The following ARMC9 variants were observed in gnomAD, a reference collection of about 807,000 sequenced individuals.
ARMC9 encodes the protein armadillo repeat containing 9.
Under a neutral mutation model 107.0 loss-of-function variants are expected in ARMC9, and 94 were observed. That is an observed-to-expected ratio of 0.88 (90% CI 0.74 to 1.04). The LOEUF is 1.04. ARMC9 is among the 50% of genes least tolerant of loss of function. ARMC9 has a pLI of 0.00. For missense variants in ARMC9, 942 were observed against 1,030.1 expected (o/e 0.91, Z 1.17); for synonymous variants, 380 against 396.9 (o/e 0.96, Z 0.51).
At chr2:231,276,188 T>C (rs1468953855) in intron 14 of ARMC9, among the ~76,000 whole-genome samples, 4 of 152,200 alleles carry the variant, frequency 2.6e-5, no homozygotes, top group Admixed American at 1.3e-4. Flanking sequence ...TTATTTCAAT[T>C]GTATGGGTTT....
chr2:231,353,708 A>C (rs1019150767), intron 21 of ARMC9, among the ~76,000 whole-genome samples: 1 of 151,606 alleles, frequency 6.6e-6, no homozygotes, highest in Non-Finnish European at 1.5e-5. Context: ...GTTCCCTGCC[A>C]CCGGCCACCT....
chr2:231,333,697 G>A (rs1361718217), intron 20 of ARMC9, among the ~76,000 whole-genome samples: 3 of 152,188 alleles, frequency 2.0e-5, no homozygotes, highest in African/African-American at 7.2e-5. Context: ...CAAATTGGTG[G>A]GGCTTCCTCA....
chr2:231,277,656 G>A lies in ARMC9; in HGVS notation c.1475-726G>A, dbSNP rs534463351. ...CTCAGTGGTGCAACCTCTGCCTCCC[G>A]GGTTCAAGCGATTCTCCTGCCTCAG... On this transcript the variant is annotated intron_variant, in intron 15 of 24. Coordinates refer to ENST00000611582, the MANE Select transcript of ARMC9 (RefSeq NM_001352754.2). Among the ~76,000 whole-genome samples, 11 of 150,638 alleles carry A rather than the reference G, an allele frequency of 7.3e-5. No individual in the cohort carries two copies. In the East Asian group the frequency reaches 1.6e-3, roughly 21 times the overall value.
At chr2:231,305,925 C>G (rs975897376) in intron 19 of ARMC9, among the ~76,000 whole-genome samples, 3 of 152,202 alleles carry the variant, frequency 2.0e-5, no homozygotes, top group Non-Finnish European at 4.4e-5. Context: ...ACAAACTCAT[C>G]TTGTTTAAAT....
chr2:231,291,366 T>G lies in ARMC9; in HGVS notation c.1640T>G (p.Ile547Ser), dbSNP rs1406382195. The G allele has an allele frequency of 1.9e-6, 3 of 1,613,424 alleles. No homozygotes were observed. In the African/African-American group the frequency reaches 4.0e-5, roughly 22 times the overall value. The part of the protein sequence containing the change: ...EEARAMGMED[I>S]LRCFIKEGNA... Reference sequence around the variant, plus strand: ...CAATACTTCTAGGGAATGGAAGACATCCTACGCTGCTTCATCAAAGAAGGC... The same window carrying G: ...CAATACTTCTAGGGAATGGAAGACAGCCTACGCTGCTTCATCAAAGAAGGC... Residue 547 changes from isoleucine (I) to serine (S), a missense_variant, in exon 18 of 25, where the codon ATC becomes AGC. Ile to Ser is a moderately radical substitution (Grantham distance 142, BLOSUM62 -2). Coordinates refer to ENST00000611582, the MANE Select transcript of ARMC9 (RefSeq NM_001352754.2).
Position 231,273,051 on chromosome 2 carries a change from T to C in ARMC9, c.1307T>C (p.Leu436Pro), listed in dbSNP as rs925676705. The C allele has an allele frequency of 2.5e-6, 4 of 1,613,738 alleles. No individual in the cohort carries two copies. Among genetic ancestry groups the C allele is most frequent in the African/African-American group, 2.7e-5 (2 of 74,900 alleles). ...DKDIITRENVLGALQKFSLRR... is the reference protein window; with the variant it reads ...DKDIITRENVPGALQKFSLRR... ...GATATCATCACCAGGGAGAATGTTC[T>C]TGGGGCCCTGCAGAAGTTCAGTCTC... The change falls in exon 14 of 25, where the codon CTT (leucine) becomes CCT (proline). Residue 436 changes from leucine (L) to proline (P), a missense_variant. By Grantham distance (98) the Leu-to-Pro change is moderately conservative (BLOSUM62 -3). Transcript: ENST00000611582.
At chr2:231,335,018 A>T (rs149862924) in intron 20 of ARMC9, among the ~76,000 whole-genome samples, 206 of 152,256 alleles carry the variant, frequency 1.4e-3, no homozygotes, top group Middle Eastern at 3.4e-3. Context: ...GACTCTAAAG[A>T]TGTTGGCGTT....
chr2:231,368,973 T>G (rs2045915882), intron 23 of ARMC9, among the ~76,000 whole-genome samples: 1 of 152,216 alleles, frequency 6.6e-6, no homozygotes, highest in Non-Finnish European at 1.5e-5. Flanking sequence ...AAAAGGCATA[T>G]AGAAACAAAT....
chr2:231,246,987 C>T (rs2036830369), intron 9 of ARMC9, among the ~76,000 whole-genome samples: 1 of 150,800 alleles, frequency 6.6e-6, no homozygotes, highest in Non-Finnish European at 1.5e-5. Context: ...GACCGAGTCT[C>T]GCTCCATCAC....
intron 12 of ARMC9, among the ~76,000 whole-genome samples, chr2:231,262,999 TA>T (rs36036355): frequency 0.43 from 64,745 of 151,848 alleles, 16,834 homozygotes; most frequent in African/African-American, 0.74. Context: ...GGGAAGTCCT[TA>T]AGCCCCAGGC....
Position 231,372,699 on chromosome 2 carries a change from G to GGTGTGTGTGTGTGTGTGTGTGT in ARMC9, c.*1199_*1220dup, listed in dbSNP as rs61556705. The GGTGTGTGTGTGTGTGTGTGTGT allele has an allele frequency of 7.8e-6, 1 of 127,676 alleles. No individual in the cohort carries two copies. Among genetic ancestry groups the GGTGTGTGTGTGTGTGTGTGTGT allele is most frequent in the East Asian group, 2.6e-4 (1 of 3,878 alleles). 7.9% of individuals were successfully genotyped at this position (127,676 alleles called of 1,614,324 possible). On this transcript the variant is annotated 3_prime_UTR_variant, in exon 25 of 25. Coordinates refer to ENST00000611582, the MANE Select transcript of ARMC9 (RefSeq NM_001352754.2). Reference sequence around the variant, plus strand: ...CAAATAAAACCCATCAGTATTTAGTGGTGTGTGTGTGTGTGTGTGTGTGTG... The same window carrying GGTGTGTGTGTGTGTGTGTGTGT: ...CAAATAAAACCCATCAGTATTTAGTGGTGTGTGTGTGTGTGTGTGTGTGTGTGTGTGTGTGTGTGTGTGTGTG...
At position 231,358,351 on chromosome 2, in the gene ARMC9, A is replaced by G. The variant is rs575868209; in HGVS notation, c.2132-2403A>G. 6.1e-5 allele frequency among the ~76,000 whole-genome samples: 7 copies of G among 114,302 alleles called. No homozygotes were observed. Among genetic ancestry groups the G allele is most frequent in the Middle Eastern group, 3.8e-3 (1 of 266 alleles). The allele number at this position is 114,302 out of a possible 152,430, so 75.0% of individuals were successfully genotyped here. On this transcript the variant is annotated intron_variant, in intron 22 of 24. Coordinates refer to ENST00000611582, the MANE Select transcript of ARMC9 (RefSeq NM_001352754.2). The surrounding 1 kb of genome is among the most constrained non-coding windows in gnomAD (Gnocchi z 4.5). Reference sequence around the variant, plus strand: ...TTCTCCATCCCTCCCCTCCACTTCAATTGATTGATTGATTGATTGATTGAT... The same window carrying G: ...TTCTCCATCCCTCCCCTCCACTTCAGTTGATTGATTGATTGATTGATTGAT...
At chr2:231,264,756 C>T (rs1206781792) in intron 12 of ARMC9, among the ~76,000 whole-genome samples, 2 of 152,194 alleles carry the variant, frequency 1.3e-5, no homozygotes, top group African/African-American at 2.4e-5. Flanking sequence ...CTCAGCCTCC[C>T]GAAGTGCTGG....
At chr2:231,330,285 T>C (rs58563755) in intron 19 of ARMC9, among the ~76,000 whole-genome samples, 4 of 147,914 alleles carry the variant, frequency 2.7e-5, no homozygotes, top group Non-Finnish European at 4.4e-5. Context: ...TGAAGTACGA[T>C]GGCGCAATTT....
chr2:231,351,389 G>C (rs2045073406), intron 21 of ARMC9, among the ~76,000 whole-genome samples: 1 of 152,056 alleles, frequency 6.6e-6, no homozygotes, highest in South Asian at 2.1e-4. Flanking sequence ...CTGGAATTCT[G>C]TTTATGTTGA....
At chr2:231,253,106 T>TTTTTTGTTTTTG (rs79818055) in intron 9 of ARMC9, among the ~76,000 whole-genome samples, 58 of 149,046 alleles carry the variant, frequency 3.9e-4, no homozygotes, top group East Asian at 2.2e-3. Flanking sequence ...ATTTTCATTG[T>TTTTTTGTTTTTG]TTTTTGTTTT....
At chr2:231,203,978 A>C (rs149718143) in intron 1 of ARMC9, among the ~76,000 whole-genome samples, 74 of 151,968 alleles carry the variant, frequency 4.9e-4, no homozygotes, top group Middle Eastern at 3.4e-3. Context: ...AACAAACAAA[A>C]AAAAACCTCA....
intron 17 of ARMC9, among the ~76,000 whole-genome samples, chr2:231,284,477 A>G (rs2040441669): frequency 6.6e-6 from 1 of 152,166 alleles, no homozygotes; most frequent in Non-Finnish European, 1.5e-5. Context: ...TTCCAAGCTC[A>G]CTCACCTGGC....
chr2:231,243,452 T>C (rs2036483901), intron 9 of ARMC9, among the ~76,000 whole-genome samples: 1 of 151,972 alleles, frequency 6.6e-6, no homozygotes, highest in African/African-American at 2.4e-5. Flanking sequence ...TTAAGCACGG[T>C]TTAAAAAGGA....
Sources: allele counts gnomAD v4.1 joint callset (sites outside exome capture counted in the v4.1 genomes callset), GRCh38; gene constraint gnomAD v4.1.1; non-coding constraint Gnocchi (gnomAD v3.1); transcripts MANE v1.5; gene names NCBI Gene and HGNC (gene_info 2026-07-23, HGNC 2026-07-21).